ZDHHC3: variants seen among roughly 807,000 people sequenced by gnomAD.
ZDHHC3 encodes zDHHC palmitoyltransferase 3.
Under a neutral mutation model 30.6 loss-of-function variants are expected in ZDHHC3, and 9 were observed. The observed-to-expected ratio is 0.29, with a 90% CI of 0.18 to 0.51. The LOEUF (loss-of-function observed/expected upper bound fraction) is 0.51. ZDHHC3 is among the 20% of genes least tolerant of loss of function. The pLI is 0.97. For missense variants in ZDHHC3, 246 were observed against 384.2 expected, an observed-to-expected ratio of 0.64 and a Z score of 3.01; for synonymous variants, 136 against 140.2, an observed-to-expected ratio of 0.97 and a Z score of 0.21.
intron 5 of ZDHHC3, among the ~76,000 whole-genome samples, chr3:44,930,079 G>A (rs1235762987): frequency 1.3e-5 from 2 of 152,344 alleles, no homozygotes; most frequent in Admixed American, 6.5e-5. Flanking sequence ...CCAGGGAGTC[G>A]ACCAAAGAGG....
rs1575738883 is a variant in ZDHHC3 at position 44,917,406 on chromosome 3, T to A, written c.*9283A>T. 1 of 170,476 alleles carries A rather than the reference T, an allele frequency of 5.9e-6. No homozygotes were observed. The highest frequency in any genetic ancestry group is 1.5e-4 in the East Asian group (1 of 6,518). 10.6% of individuals were successfully genotyped at this position (170,476 alleles called of 1,614,324 possible). Reference sequence around the variant, plus strand: ...GTCTTTCCAGGCTAGTCTCCCCTGATGTCAGTGTCCCAACCCAGGTCCCCA... The same window carrying A: ...GTCTTTCCAGGCTAGTCTCCCCTGAAGTCAGTGTCCCAACCCAGGTCCCCA... On this transcript the variant is annotated 3_prime_UTR_variant, in exon 7 of 7. Transcript: ENST00000424952.
intron 1 of ZDHHC3, among the ~76,000 whole-genome samples, chr3:44,968,256 T>G (rs1403095000): frequency 6.6e-6 from 1 of 152,104 alleles, no homozygotes; most frequent in Non-Finnish European, 1.5e-5. Flanking sequence ...AGCTTTAGCA[T>G]CTTCCTCTCT....
chr3:44,940,307 AG>A (rs1044742749), intron 3 of ZDHHC3, among the ~76,000 whole-genome samples: 38 of 152,332 alleles, frequency 2.5e-4, no homozygotes, highest in African/African-American at 9.1e-4. Context: ...CACAAGGCCA[AG>A]GAAGGCTCAC....
In ZDHHC3 at chr3:44,959,485, G is replaced by A. The variant is rs1265009036; in HGVS notation, c.-24-25C>T. The A allele has an allele frequency of 6.4e-7, 1 of 1,574,736 alleles. No individual in the cohort carries two copies. Among genetic ancestry groups the A allele is most frequent in the Non-Finnish European group, 8.6e-7 (1 of 1,157,056 alleles). Reference sequence around the variant, plus strand: ...TCTGAAAGAGAGAGGAAAGAATCCAGAAACTTGGTGTTGTCTTGTCATCAA... The same window carrying A: ...TCTGAAAGAGAGAGGAAAGAATCCAAAAACTTGGTGTTGTCTTGTCATCAA... On this transcript the variant is annotated intron_variant, in intron 1 of 6. Transcript: ENST00000424952. The surrounding 1 kb of genome is among the most constrained non-coding windows in gnomAD (Gnocchi z 4.3).
chr3:44,953,891 C>T (rs1034681989), intron 2 of ZDHHC3, among the ~76,000 whole-genome samples: 1 of 152,236 alleles, frequency 6.6e-6, no homozygotes, highest in Non-Finnish European at 1.5e-5. Context: ...GCAAGATGCA[C>T]AAGGCGCTTC....
chr3:44,967,366 G>C (rs1229801622), intron 1 of ZDHHC3, among the ~76,000 whole-genome samples: 3 of 152,098 alleles, frequency 2.0e-5, no homozygotes, highest in Non-Finnish European at 1.5e-5. Context: ...ACCAGCTCCT[G>C]GCTTTACTAA....
At chr3:44,930,564 T>C (rs974230088) in intron 5 of ZDHHC3, among the ~76,000 whole-genome samples, 1 of 152,180 alleles carries the variant, frequency 6.6e-6, no homozygotes, top group Non-Finnish European at 1.5e-5. Flanking sequence ...TTCTGGGAAT[T>C]AAGGGAGTAA....
In ZDHHC3 at chr3:44,920,313, C is replaced by T; in HGVS notation, c.*6376G>A. On this transcript the variant is annotated 3_prime_UTR_variant, in exon 7 of 7. Coordinates refer to ENST00000424952, the MANE Select transcript of ZDHHC3 (RefSeq NM_001135179.2). ...TGGTTTGCTTTGGGCATTCTGCATT[C>T]TCTTCCTGGGTGATCATCTGCAGCC... The T allele has an allele frequency of 7.8e-7, 1 of 1,289,874 alleles. No individual in the cohort carries two copies. Among genetic ancestry groups the T allele is most frequent in the Non-Finnish European group, 1.0e-6 (1 of 988,878 alleles). The allele number at this position is 1,289,874 out of a possible 1,614,324, so 79.9% of individuals were successfully genotyped here. A position where few individuals can be genotyped will look rare whatever the true frequency, so the allele number is the denominator to read the frequency against.
intron 2 of ZDHHC3, among the ~76,000 whole-genome samples, chr3:44,953,221 C>T (rs143798147): frequency 2.0e-5 from 3 of 152,294 alleles, no homozygotes; most frequent in Non-Finnish European, 4.4e-5. Context: ...AGGGTTCTGA[C>T]CCAGACAATC....
Position 44,923,540 on chromosome 3 carries a change from G to A in ZDHHC3, c.*3149C>T, listed in dbSNP as rs564427871. On this transcript the variant is annotated 3_prime_UTR_variant, in exon 7 of 7. Transcript: ENST00000424952. The stretch of plus-strand genomic sequence containing the variant: ...TACAGGGCTGGGCCCAGTGGCTCAC[G>A]CCTGTAATCCCAGGACTTTGGGAGG... The A allele has an allele frequency of 1.3e-4, 133 of 985,350 alleles. No homozygotes were observed. In the South Asian group the frequency reaches 4.8e-3, roughly 36 times the overall value. 61.0% of individuals were successfully genotyped at this position (985,350 alleles called of 1,614,324 possible). A position where few individuals can be genotyped will look rare whatever the true frequency, so the allele number is the denominator to read the frequency against.
rs1700624314 is a variant in ZDHHC3, at chr3:44,921,961, C to G, written c.*4728G>C. On this transcript the variant is annotated 3_prime_UTR_variant, in exon 7 of 7. Coordinates refer to ENST00000424952, the MANE Select transcript of ZDHHC3 (RefSeq NM_001135179.2). ...CGCTTGTCCTCACTCCTTGGATCAG[C>G]TTCATCGGCTCCTCCTGTGGGCCCA... 2 of 985,328 alleles carry G rather than the reference C, an allele frequency of 2.0e-6. No individual in the cohort carries two copies. The highest frequency in any genetic ancestry group is 2.4e-6 in the Non-Finnish European group (2 of 829,940). The allele number at this position is 985,328 out of a possible 1,614,324, so 61.0% of individuals were successfully genotyped here. A position where few individuals can be genotyped will look rare whatever the true frequency, so the allele number is the denominator to read the frequency against.
chr3:44,937,300 C>T (rs528725811), intron 3 of ZDHHC3, among the ~76,000 whole-genome samples: 9 of 151,872 alleles, frequency 5.9e-5, no homozygotes, highest in South Asian at 2.1e-4. Context: ...AAAAATTAGC[C>T]GGGTGTGGTA....
Position 44,917,030 on chromosome 3 carries a change from T to G in ZDHHC3, c.*9659A>C, listed in dbSNP as rs1700220973. ...CTCCCTCCAAGAGGTAACATTCAATTAAGTTCTCATGCGAGTGGTTAGGGA... is the reference window on the plus strand; with the variant it reads ...CTCCCTCCAAGAGGTAACATTCAATGAAGTTCTCATGCGAGTGGTTAGGGA... On this transcript the variant is annotated 3_prime_UTR_variant, in exon 7 of 7. Coordinates refer to ENST00000424952, the MANE Select transcript of ZDHHC3 (RefSeq NM_001135179.2). 1 of 152,198 alleles carries G rather than the reference T, an allele frequency of 6.6e-6. No homozygotes were observed. The highest frequency in any genetic ancestry group is 2.4e-5 in the African/African-American group (1 of 41,446). 9.4% of individuals were successfully genotyped at this position (152,198 alleles called of 1,614,324 possible).
At chr3:44,940,521 CTGT>C (rs1702350200) in intron 3 of ZDHHC3, among the ~76,000 whole-genome samples, 1 of 152,198 alleles carries the variant, frequency 6.6e-6, no homozygotes, top group Non-Finnish European at 1.5e-5. Flanking sequence ...GGATGAGACG[CTGT>C]AAGCTGGTGA....
chr3:44,952,775 C>G (rs1343971085), intron 2 of ZDHHC3, among the ~76,000 whole-genome samples: 2 of 152,224 alleles, frequency 1.3e-5, no homozygotes, highest in Non-Finnish European at 2.9e-5. Flanking sequence ...AAAATGCACC[C>G]AGGGATCACC....
chr3:44,923,674 G>T lies in ZDHHC3; in HGVS notation c.*3015C>A, dbSNP rs1481364163. 2.7e-6 allele frequency: 2 copies of T among 747,382 alleles called. No homozygotes were observed. Among genetic ancestry groups the T allele is most frequent in the African/African-American group, 3.8e-5 (2 of 52,422 alleles). 46.3% of individuals were successfully genotyped at this position (747,382 alleles called of 1,614,324 possible). ...AAAAATTAGCCAGGCATGGTAGTAC[G>T]TGCCTGTAGCCCTGGATATTCAGGA... On this transcript the variant is annotated 3_prime_UTR_variant, in exon 7 of 7. Coordinates refer to ENST00000424952, the MANE Select transcript of ZDHHC3 (RefSeq NM_001135179.2).
chr3:44,967,999 G>C (rs1705097289), intron 1 of ZDHHC3, among the ~76,000 whole-genome samples: 1 of 152,168 alleles, frequency 6.6e-6, no homozygotes, highest in African/African-American at 2.4e-5. Context: ...CCATTGCAGA[G>C]ATGGAAAAAG....
In ZDHHC3 at chr3:44,959,792, T is replaced by G. The variant is rs1704309008; in HGVS notation, c.-24-332A>C. On this transcript the variant is annotated intron_variant, in intron 1 of 6. Transcript: ENST00000424952. This position sits in a 1 kb window ranked among gnomAD's most constrained non-coding sequence, Gnocchi z 4.3. The stretch of plus-strand genomic sequence containing the variant: ...TTTGAGACCAGGTGGGGTCTCACTC[T>G]GTCATTCAGGCTGGAGTGCAGTGGC... Among the ~76,000 whole-genome samples, 1 of 152,228 alleles carries G rather than the reference T, an allele frequency of 6.6e-6. No homozygotes were observed. The highest frequency in any genetic ancestry group is 2.4e-5 in the African/African-American group (1 of 41,464).
intron 5 of ZDHHC3, 96 bp downstream of exon 5, chr3:44,933,022 C>A (rs981396175): frequency 3.1e-6 from 5 of 1,613,702 alleles, no homozygotes; most frequent in Non-Finnish European, 4.2e-6. Flanking sequence ...TGAGGTTGGC[C>A]CCTGGCACCA....
Sources: allele counts gnomAD v4.1 joint callset (sites outside exome capture counted in the v4.1 genomes callset), GRCh38; gene constraint gnomAD v4.1.1; non-coding constraint Gnocchi (gnomAD v3.1); transcripts MANE v1.5; gene names NCBI Gene and HGNC (gene_info 2026-07-23, HGNC 2026-07-21).